The following MED12L variants were observed in gnomAD, a reference collection of about 807,000 sequenced individuals.
MED12L encodes mediator complex subunit 12L.
MED12L carries 60 observed loss-of-function variants against 281.3 expected under a neutral mutation model. The observed-to-expected ratio is 0.21, with a 90% CI of 0.17 to 0.26. MED12L has a LOEUF of 0.26. Among genes scored for constraint, MED12L ranks in the 10% least tolerant of loss-of-function variants. The pLI is 1.00. For synonymous variants in MED12L, 974 were observed against 987.2 expected, an observed-to-expected ratio of 0.99 and a Z score of 0.25; for missense variants, 2,146 against 2,680.9, an observed-to-expected ratio of 0.80 and a Z score of 4.41.
At position 151,413,170 on chromosome 3, in the gene MED12L, C is replaced by G. The variant is rs1258755655; in HGVS notation, c.6172C>G (p.Leu2058Val). ...LNHQALQQSPLVGGGIDAVLT... is the reference protein window; with the variant it reads ...LNHQALQQSPVVGGGIDAVLT... ...CCATCAGGCTCTACAGCAGAGCCCT[C>G]TGGTGGGCGGGGGAATTGATGCTGT... The change falls in exon 42 of 45, where the codon CTG (leucine) becomes GTG (valine). Residue 2058 changes from leucine (L) to valine (V), a missense_variant. Transcript: ENST00000687756. The G allele has an allele frequency of 6.2e-7, 1 of 1,614,030 alleles. No individual in the cohort carries two copies. The highest frequency in any genetic ancestry group is 1.3e-5 in the African/African-American group (1 of 74,938).
At position 151,352,782 on chromosome 3, in the gene MED12L, G is replaced by T. The variant is rs573675610; in HGVS notation, c.2399-2339G>T. Among the ~76,000 whole-genome samples the T allele has an allele frequency of 2.6e-5, 4 of 152,146 alleles. No homozygotes were observed. In the South Asian group the frequency reaches 6.2e-4, roughly 24 times the overall value. On this transcript the variant is annotated intron_variant, in intron 17 of 44. Coordinates refer to ENST00000687756, the MANE Select transcript of MED12L (RefSeq NM_001393769.1). ...CAGTTATCTTTTTTGGTTGTCAATG[G>T]TGTATCTTTTGAAAATATTAGTGAA...
chr3:151,411,179 G>A (rs1716888034), intron 40 of MED12L, 99 bp from the exon 41 acceptor site: 1 of 923,664 alleles, frequency 1.1e-6, no homozygotes, highest in Non-Finnish European at 1.7e-6. Flanking sequence ...GAATTTCAGG[G>A]GAGTCCTCAT....
chr3:151,250,230 C>A (rs144993842), intron 16 of MED12L, among the ~76,000 whole-genome samples: 68 of 152,238 alleles, frequency 4.5e-4, no homozygotes, highest in African/African-American at 1.6e-3. Flanking sequence ...ATCCAATTGA[C>A]ATTTTGAAAG....
intron 21 of MED12L, among the ~76,000 whole-genome samples, chr3:151,361,709 G>A (rs911418486): frequency 1.3e-5 from 2 of 152,110 alleles, no homozygotes; most frequent in Admixed American, 6.6e-5. Flanking sequence ...AAGTGTGAGA[G>A]ACAATATTCT....
intron 16 of MED12L, among the ~76,000 whole-genome samples, chr3:151,209,898 A>G (rs1487638897): frequency 1.3e-5 from 2 of 152,188 alleles, no homozygotes; most frequent in African/African-American, 2.4e-5. Context: ...TGTAGTTGCC[A>G]AAAGAAAGAA....
intron 2 of MED12L, among the ~76,000 whole-genome samples, chr3:151,096,405 C>T (rs555109852): frequency 1.8e-4 from 26 of 143,422 alleles, no homozygotes; most frequent in Non-Finnish European, 9.2e-5. Flanking sequence ...TTTTTTTCCT[C>T]AGGGATTACA....
chr3:151,247,600 CG>C (rs1250169979), intron 16 of MED12L, among the ~76,000 whole-genome samples: 1 of 88,316 alleles, frequency 1.1e-5, no homozygotes, highest in Non-Finnish European at 2.2e-5. Flanking sequence ...TATCACACTC[CG>C]GGGACTGTTG....
intron 2 of MED12L, among the ~76,000 whole-genome samples, chr3:151,090,161 G>T (rs564668555): frequency 6.6e-6 from 1 of 152,022 alleles, no homozygotes; most frequent in Non-Finnish European, 1.5e-5. Context: ...CAGTCTGCTT[G>T]GGTTGGGACC....
At chr3:151,109,359 G>T (rs1711524969) in intron 2 of MED12L, among the ~76,000 whole-genome samples, 1 of 152,180 alleles carries the variant, frequency 6.6e-6, no homozygotes, top group Non-Finnish European at 1.5e-5. Context: ...TCTGATTTTT[G>T]TTATCAGTGT....
chr3:151,128,654 C>G (rs1389947327), intron 5 of MED12L, among the ~76,000 whole-genome samples: 1 of 152,218 alleles, frequency 6.6e-6, no homozygotes, highest in Non-Finnish European at 1.5e-5. Flanking sequence ...GCAGCTTTGG[C>G]TCAAATGTCA....
chr3:151,156,148 T>A lies in MED12L; in HGVS notation c.557-13T>A, dbSNP rs944171232. ...TGTCTAGAAACTCATATTTTTCTTTTTTTAAAATGCAGAGTGGACACAGAT... is the reference window on the plus strand; with the variant it reads ...TGTCTAGAAACTCATATTTTTCTTTATTTAAAATGCAGAGTGGACACAGAT... On this transcript the variant is annotated splice_polypyrimidine_tract_variant and intron_variant, in intron 5 of 44. Coordinates refer to ENST00000687756, the MANE Select transcript of MED12L (RefSeq NM_001393769.1). 1 of 1,577,026 alleles carries A rather than the reference T, an allele frequency of 6.3e-7. No homozygotes were observed. The highest frequency in any genetic ancestry group is 8.6e-7 in the Non-Finnish European group (1 of 1,163,748).
intron 37 of MED12L, 105 bp from the exon 38 acceptor site, chr3:151,389,874 A>T (rs1713959826): frequency 5.7e-6 from 6 of 1,059,750 alleles, no homozygotes; most frequent in Non-Finnish European, 7.0e-6. Context: ...ACAGCTTTGT[A>T]CATTGGGATA....
At chr3:151,287,564 T>G (rs1743701647) in intron 16 of MED12L, among the ~76,000 whole-genome samples, 1 of 152,198 alleles carries the variant, frequency 6.6e-6, no homozygotes. Context: ...AGTATTGCAG[T>G]CCTGGTGACA....
chr3:151,364,878 T>C, intron 21 of MED12L, 101 bp from the exon 22 acceptor site: 1 of 784,244 alleles, frequency 1.3e-6, no homozygotes, highest in Non-Finnish European at 2.2e-6. Flanking sequence ...TCTCTAGGAA[T>C]GCATTACAGT....
chr3:151,247,819 T>G (rs1489922149), intron 16 of MED12L, among the ~76,000 whole-genome samples: 1 of 152,022 alleles, frequency 6.6e-6, no homozygotes, highest in Non-Finnish European at 1.5e-5. Context: ...TTTTCTCCAT[T>G]TAGAGAGTCA....
intron 2 of MED12L, among the ~76,000 whole-genome samples, chr3:151,113,786 C>T (rs1193209451): frequency 6.6e-6 from 1 of 152,136 alleles, no homozygotes; most frequent in Non-Finnish European, 1.5e-5. Context: ...AGTTTGTGCA[C>T]ACACTCAGGA....
chr3:151,158,557 CTG>C, intron 6 of MED12L, 130 bp from the exon 7 acceptor site: 1 of 573,546 alleles, frequency 1.7e-6, no homozygotes, highest in African/African-American at 1.9e-5. Context: ...AGAATTTGGA[CTG>C]TGAGCAATGA....
chr3:151,404,102 G>GT (rs1180604736), intron 39 of MED12L, among the ~76,000 whole-genome samples: 1 of 152,110 alleles, frequency 6.6e-6, no homozygotes, highest in Non-Finnish European at 1.5e-5. Flanking sequence ...TTTAAAAAAT[G>GT]TTTTTATTGA....
Position 151,159,948 on chromosome 3 carries a change from C to A in MED12L, c.954C>A (p.Pro318=), listed in dbSNP as rs779769001. 1 of 1,614,228 alleles carries A rather than the reference C, an allele frequency of 6.2e-7. No homozygotes were observed. Among genetic ancestry groups the A allele is most frequent in the Non-Finnish European group, 8.5e-7 (1 of 1,180,042 alleles). The change falls in exon 8 of 45, where the codon CCC becomes CCA. Residue 318 remains proline (P), a synonymous_variant. Transcript: ENST00000687756. ...CCAACCTCCTTGCTGCCCACTCACC[C>A]CACATGATGATAGGACCAAACAACT... ...DSPNLLAAHS[P]HMMIGPNNSS...
Sources: gnomAD v4.1 joint callset for allele counts (sites outside exome capture counted in the v4.1 genomes callset) on GRCh38, gnomAD v4.1.1 for gene constraint, MANE v1.5 for transcripts, NCBI Gene and HGNC (gene_info 2026-07-23, HGNC 2026-07-21) for gene names.